The following LRRC37A3 variants were observed in gnomAD, a reference collection of about 807,000 sequenced individuals.
LRRC37A3 encodes leucine-rich repeat-containing protein 37A3.
In LRRC37A3, 25 loss-of-function variants were observed where a neutral mutation model predicts 106.2. The ratio of observed to expected loss-of-function variants is 0.24; its 90% CI spans 0.17 to 0.33. The LOEUF (loss-of-function observed/expected upper bound fraction) is 0.33, where lower values mean the gene tolerates loss of function less well. Ranked by LOEUF, LRRC37A3 falls within the 10% of genes least tolerant of loss-of-function variation. LRRC37A3 has a pLI of 1.00. For missense variants in LRRC37A3, 712 were observed against 1,644.9 expected (o/e 0.43, Z 9.81); for synonymous variants, 305 against 635.8 (o/e 0.48, Z 7.83).
intron 8 of LRRC37A3, among the ~76,000 whole-genome samples, chr17:64,873,207 T>C (rs985676900): frequency 2.0e-4 from 30 of 150,262 alleles, no homozygotes; most frequent in African/African-American, 7.4e-4. Flanking sequence ...AAATATTCAA[T>C]TTTTAACAAA....
chr17:64,909,948 T>C (rs2143619484), intron 2 of LRRC37A3: 1 of 152,256 alleles, frequency 6.6e-6, no homozygotes, highest in South Asian at 2.1e-4. Flanking sequence ...GGAGGAATTA[T>C]ATTACAATGT....
At chr17:64,864,404 A>C (rs1489531863) in intron 10 of LRRC37A3, among the ~76,000 whole-genome samples, 1 of 152,238 alleles carries the variant, frequency 6.6e-6, no homozygotes, top group African/African-American at 2.4e-5. Flanking sequence ...TGAAGACATG[A>C]CATGCAGTGC....
chr17:64,908,650 G>C (rs1342645586), intron 2 of LRRC37A3, among the ~76,000 whole-genome samples: 2 of 95,918 alleles, frequency 2.1e-5, no homozygotes, highest in Admixed American at 2.2e-4. Context: ...GGTGGTGCAT[G>C]CCTGTGGTCC....
intron 10 of LRRC37A3, among the ~76,000 whole-genome samples, chr17:64,866,624 A>ATATATATATATATG (rs1973111491): frequency 4.2e-5 from 1 of 23,912 alleles, no homozygotes; most frequent in Non-Finnish European, 6.7e-5. Flanking sequence ...ATATATATAT[A>ATATATATATATATG]TATATTTTTT....
rs980418572 is a variant in LRRC37A3 at position 64,859,382 on chromosome 17, T to C, written c.4704+60A>G. 3.7e-6 allele frequency: 5 copies of C among 1,357,286 alleles called. No individual in the cohort carries two copies. The African/African-American group carries it at 4.4e-5, about 12-fold the overall frequency. 84.1% of individuals were successfully genotyped at this position (1,357,286 alleles called of 1,614,324 possible). On this transcript the variant is annotated intron_variant, in intron 12 of 14. Transcript: ENST00000584306. ...GTCCCAGATTCTTCTGTGTGGGCAC[T>C]TTCCTGGGATATGCTAAATGATGGG...
intron 10 of LRRC37A3, chr17:64,863,295 T>C: frequency 2.3e-6 from 1 of 442,382 alleles, no homozygotes; most frequent in Non-Finnish European, 4.1e-6. Context: ...TCTTCCCAAC[T>C]CAAAAGTCTC....
intron 2 of LRRC37A3, among the ~76,000 whole-genome samples, chr17:64,916,265 C>T (rs1417048295): frequency 3.3e-5 from 5 of 151,690 alleles, no homozygotes; most frequent in East Asian, 1.9e-4. Context: ...ATTAGCTGGG[C>T]GTGGTGGCGG....
At chr17:64,902,140 CTT>C (rs1307016955) in intron 2 of LRRC37A3, among the ~76,000 whole-genome samples, 1 of 152,254 alleles carries the variant, frequency 6.6e-6, no homozygotes, top group Non-Finnish European at 1.5e-5. Context: ...AGTTTTTACA[CTT>C]GTCATCTCAT....
Position 64,854,216 on chromosome 17 carries a change from T to C in LRRC37A3, c.*383A>G, listed in dbSNP as rs1268647073. 6.1e-6 allele frequency: 2 copies of C among 327,048 alleles called. No homozygotes were observed. Among genetic ancestry groups the C allele is most frequent in the South Asian group, 4.9e-5 (1 of 20,316 alleles). The allele number at this position is 327,048 out of a possible 1,614,324, so 20.3% of individuals were successfully genotyped here. A position where few individuals can be genotyped will look rare whatever the true frequency, so the allele number is the denominator to read the frequency against. On this transcript the variant is annotated 3_prime_UTR_variant, in exon 15 of 15. Transcript: ENST00000584306. ...TCGGGATGAACATTCATGCGTGTGCTTGAGGGCTTGGGAAAAAGACAGGGC... is the reference window on the plus strand; with the variant it reads ...TCGGGATGAACATTCATGCGTGTGCCTGAGGGCTTGGGAAAAAGACAGGGC...
intron 11 of LRRC37A3, among the ~76,000 whole-genome samples, chr17:64,862,354 A>C (rs1972904413): frequency 6.6e-6 from 1 of 152,070 alleles, no homozygotes; most frequent in African/African-American, 2.4e-5. Flanking sequence ...TGGATGGTCT[A>C]AGAATGGAAA....
At position 64,854,328 on chromosome 17, in the gene LRRC37A3, T is replaced by G; in HGVS notation, c.*271A>C. 1.7e-6 allele frequency: 1 copy of G among 574,936 alleles called. No homozygotes were observed. Among genetic ancestry groups the G allele is most frequent in the South Asian group, 2.1e-5 (1 of 48,258 alleles). The allele number at this position is 574,936 out of a possible 1,614,324, so 35.6% of individuals were successfully genotyped here. ...CCCTGTGGGCAGGAGTTCAAGTATGTGGTATTATATGACTGGTGCTTGATG... is the reference window on the plus strand; with the variant it reads ...CCCTGTGGGCAGGAGTTCAAGTATGGGGTATTATATGACTGGTGCTTGATG... On this transcript the variant is annotated 3_prime_UTR_variant, in exon 15 of 15. Transcript: ENST00000584306.
intron 8 of LRRC37A3, among the ~76,000 whole-genome samples, chr17:64,884,229 G>C (rs1973798346): frequency 7.0e-6 from 1 of 142,358 alleles, no homozygotes; most frequent in African/African-American, 2.7e-5. Flanking sequence ...GGCACAAATG[G>C]ACATGACACT....
At chr17:64,913,102 T>C (rs1308396627) in intron 2 of LRRC37A3, among the ~76,000 whole-genome samples, 2 of 151,632 alleles carry the variant, frequency 1.3e-5, no homozygotes, top group African/African-American at 2.4e-5. Flanking sequence ...GATCTTGGCT[T>C]ACTGCAACCT....
At chr17:64,916,942 CAAAAA>C (rs904117316) in intron 2 of LRRC37A3, among the ~76,000 whole-genome samples, 3 of 104,032 alleles carry the variant, frequency 2.9e-5, no homozygotes, top group Admixed American at 1.0e-4. Flanking sequence ...TTAAGGTGGC[CAAAAA>C]AAAAAAAAAA....
chr17:64,864,688 T>C (rs1009811203), intron 10 of LRRC37A3, among the ~76,000 whole-genome samples: 1 of 151,710 alleles, frequency 6.6e-6, no homozygotes, highest in African/African-American at 2.4e-5. Flanking sequence ...TTTGGGCAAA[T>C]TGTTTAATCT....
Position 64,860,993 on chromosome 17 carries a change from T to G in LRRC37A3, c.3173-20A>C, listed in dbSNP as rs370337741. On this transcript the variant is annotated intron_variant, in intron 11 of 14. Transcript: ENST00000584306. The stretch of plus-strand genomic sequence containing the variant: ...CTTCAGCTGTCAAAAAAGAAGAGAC[T>G]GCTTTGATCATGAAAGATGATGGGA... 6.2e-7 allele frequency: 1 copy of G among 1,613,694 alleles called. No individual in the cohort carries two copies. Among genetic ancestry groups the G allele is most frequent in the Non-Finnish European group, 8.5e-7 (1 of 1,179,856 alleles).
chr17:64,863,333 A>C (rs1452609179), intron 10 of LRRC37A3: 1 of 357,044 alleles, frequency 2.8e-6, no homozygotes, highest in Non-Finnish European at 5.2e-6. Flanking sequence ...CAGAGGAAGA[A>C]GGTAGACTTT....
At chr17:64,874,489 C>T (rs1202846187) in intron 8 of LRRC37A3, among the ~76,000 whole-genome samples, 1 of 150,200 alleles carries the variant, frequency 6.7e-6, no homozygotes, top group Non-Finnish European at 1.5e-5. Context: ...GGGCCAGCCC[C>T]CGCCCGGCCA....
At chr17:64,914,961 G>GATGGTT in intron 2 of LRRC37A3, among the ~76,000 whole-genome samples, 1 of 151,832 alleles carries the variant, frequency 6.6e-6, no homozygotes, top group East Asian at 1.9e-4. Context: ...GCAGTAGAAT[G>GATGGTT]ATGGTTACCG....
Sources: gnomAD v4.1 joint callset for allele counts (sites outside exome capture counted in the v4.1 genomes callset) on GRCh38, gnomAD v4.1.1 for gene constraint, MANE v1.5 for transcripts, NCBI Gene and HGNC (gene_info 2026-07-23, HGNC 2026-07-21) for gene names.